CCSER2: variants seen among roughly 807,000 people sequenced by gnomAD.
The protein encoded by CCSER2 is serine-rich coiled-coil domain-containing protein 2.
CCSER2 carries 46 observed loss-of-function variants against 92.3 expected under a neutral mutation model. That is an observed-to-expected ratio of 0.50 (90% CI 0.39 to 0.64). The LOEUF is 0.64. Among genes scored for constraint, CCSER2 ranks in the 30% least tolerant of loss-of-function variants. The pLI, the probability that CCSER2 is intolerant of heterozygous loss-of-function variation, is 0.00. For synonymous variants in CCSER2, 433 were observed against 431.4 expected (o/e 1.00, Z -0.04); for missense variants, 1,244 against 1,238.9 (o/e 1.00, Z -0.06).
chr10:84,454,954 G>A (rs567175744), intron 6 of CCSER2: 1 of 152,202 alleles, frequency 6.6e-6, no homozygotes, highest in Non-Finnish European at 1.5e-5. Context: ...TTGAATCATG[G>A]GGGAAAGGGT....
At chr10:84,463,832 G>T (rs1036370474) in intron 6 of CCSER2, 101 bp from the exon 7 acceptor site, 76 of 718,336 alleles carry the variant, frequency 1.1e-4, no homozygotes, top group Non-Finnish European at 1.7e-4. Context: ...CTAGCATTTG[G>T]TCTTCACCAT....
intron 1 of CCSER2, among the ~76,000 whole-genome samples, chr10:84,332,474 C>G (rs1396854240): frequency 1.2e-5 from 1 of 84,528 alleles, no homozygotes; most frequent in African/African-American, 4.7e-5. Flanking sequence ...GAGTCTTGCT[C>G]TGTTGCCAGG....
chr10:84,398,267 C>A (rs1841945952), intron 3 of CCSER2, among the ~76,000 whole-genome samples: 1 of 152,160 alleles, frequency 6.6e-6, no homozygotes, highest in South Asian at 2.1e-4. Flanking sequence ...TGTCTTCTGC[C>A]TCCCTCTTCC....
intron 6 of CCSER2, among the ~76,000 whole-genome samples, chr10:84,446,589 GA>G (rs960908446): frequency 4.0e-5 from 6 of 150,720 alleles, no homozygotes; most frequent in African/African-American, 1.5e-4. Flanking sequence ...ATCACTCCAG[GA>G]AAAAAAGGAG....
At chr10:84,439,188 T>C (rs796704029) in intron 6 of CCSER2, among the ~76,000 whole-genome samples, 4 of 103,108 alleles carry the variant, frequency 3.9e-5, no homozygotes, top group East Asian at 3.2e-4. Context: ...CCTGTTTTTT[T>C]TTTTCTTTTC....
At chr10:84,395,223 T>TAA (rs34500936) in intron 3 of CCSER2, among the ~76,000 whole-genome samples, 6 of 129,374 alleles carry the variant, frequency 4.6e-5, no homozygotes, top group East Asian at 2.2e-4. Flanking sequence ...GACCCTGTCT[T>TAA]AAAAAAAAAA....
intron 9 of CCSER2, among the ~76,000 whole-genome samples, chr10:84,495,557 G>A (rs1297454212): frequency 6.6e-6 from 1 of 152,038 alleles, no homozygotes; most frequent in Non-Finnish European, 1.5e-5. Flanking sequence ...GGGGTGTTGA[G>A]CTCTCCAACT....
intron 3 of CCSER2, among the ~76,000 whole-genome samples, chr10:84,398,580 T>G (rs1841961364): frequency 6.6e-6 from 1 of 152,160 alleles, no homozygotes; most frequent in South Asian, 2.1e-4. Flanking sequence ...TTCTTCCTCT[T>G]TATTTCTCAG....
intron 1 of CCSER2, among the ~76,000 whole-genome samples, chr10:84,341,343 CTTTTTTTTTTT>C (rs35558044): frequency 4.2e-5 from 4 of 94,304 alleles, no homozygotes; most frequent in African/African-American, 2.1e-4. Flanking sequence ...CTTTGTAACT[CTTTTTTTTTTT>C]TTTTTTTTTT....
chr10:84,434,421 G>C (rs532705881), intron 5 of CCSER2, among the ~76,000 whole-genome samples: 2 of 152,060 alleles, frequency 1.3e-5, no homozygotes, highest in South Asian at 4.1e-4. Flanking sequence ...CTGTCTCTTA[G>C]ATTTCTCTGT....
chr10:84,367,214 A>AT (rs924051142), intron 1 of CCSER2, among the ~76,000 whole-genome samples: 8 of 151,090 alleles, frequency 5.3e-5, no homozygotes, highest in Admixed American at 1.3e-4. Flanking sequence ...CCCTCCATAG[A>AT]TTTTTTTTCA....
At chr10:84,431,883 A>G (rs958540659) in intron 5 of CCSER2, among the ~76,000 whole-genome samples, 4 of 152,242 alleles carry the variant, frequency 2.6e-5, no homozygotes, top group African/African-American at 9.6e-5. Flanking sequence ...AGATTTTTGC[A>G]CGGGCGTACA....
intron 9 of CCSER2, among the ~76,000 whole-genome samples, chr10:84,483,066 T>C (rs1027234518): frequency 1.3e-5 from 2 of 152,046 alleles, no homozygotes; most frequent in Non-Finnish European, 2.9e-5. Flanking sequence ...ATATGTAATT[T>C]ATATAAGTTC....
In CCSER2 at chr10:84,514,334, GC is replaced by G; in HGVS notation, c.*68del. On this transcript the variant is annotated 3_prime_UTR_variant, in exon 10 of 10. Transcript: ENST00000372088. ...CTCTTCTGTAATAGCTTTATGTGCA[GC>G]TTGCAGCTTGCTACTGTGGTGGAGG... 1 of 1,086,820 alleles carries G rather than the reference GC, an allele frequency of 9.2e-7. No homozygotes were observed. Among genetic ancestry groups the G allele is most frequent in the Non-Finnish European group, 1.3e-6 (1 of 771,000 alleles). 67.3% of individuals were successfully genotyped at this position (1,086,820 alleles called of 1,614,324 possible). A position where few individuals can be genotyped will look rare whatever the true frequency, so the allele number is the denominator to read the frequency against.
intron 9 of CCSER2, among the ~76,000 whole-genome samples, chr10:84,506,985 T>G (rs1374351134): frequency 6.6e-6 from 1 of 152,208 alleles, no homozygotes; most frequent in African/African-American, 2.4e-5. Flanking sequence ...ATATTTTGTT[T>G]GGTAAGAGTC....
rs1564623341 is a variant in CCSER2 at position 84,391,449 on chromosome 10, G to A, written c.1614+17634G>A. Reference sequence around the variant, plus strand: ...CGACAGAGTTATTTTGCCCTGTTAGGTGACCTCACAAAAGCTTGCTTTCAG... The same window carrying A: ...CGACAGAGTTATTTTGCCCTGTTAGATGACCTCACAAAAGCTTGCTTTCAG... On this transcript the variant is annotated intron_variant, in intron 3 of 9. Coordinates refer to ENST00000372088, the MANE Select transcript of CCSER2 (RefSeq NM_001284240.2). 5.8e-6 allele frequency: 9 copies of A among 1,562,966 alleles called. No homozygotes were observed. In the East Asian group the frequency reaches 1.8e-4, roughly 31 times the overall value.
At chr10:84,346,760 T>TTA (rs767734162) in intron 1 of CCSER2, among the ~76,000 whole-genome samples, 5,838 of 97,938 alleles carry the variant, frequency 0.06, 111 homozygotes, top group Non-Finnish European at 0.07. Context: ...TTCTTTTTTT[T>TTA]TATATATATA....
In CCSER2 at chr10:84,483,953, T is replaced by TTTTA. The variant is rs1426923651; in HGVS notation, c.2325+6290_2325+6291insTTAT. ...GTGCATCCCACCACACCCGGCTAAT[T>TTTTA]TATATATATATATATATATATATAT... On this transcript the variant is annotated intron_variant, in intron 9 of 9. Transcript: ENST00000372088. Among the ~76,000 whole-genome samples the TTTTA allele has an allele frequency of 4.0e-4, 19 of 48,056 alleles. No individual in the cohort carries two copies. The South Asian group carries it at 7.5e-3, about 19-fold the overall frequency. 31.5% of individuals were successfully genotyped at this position (48,056 alleles called of 152,430 possible).
intron 5 of CCSER2, among the ~76,000 whole-genome samples, chr10:84,434,382 T>C (rs73321697): frequency 0.023 from 3,440 of 152,300 alleles, 127 homozygotes; most frequent in African/African-American, 0.074. Context: ...CTGTTATATA[T>C]TTGCTTTCTG....
Sources: gnomAD v4.1 joint callset for allele counts (sites outside exome capture counted in the v4.1 genomes callset) on GRCh38, gnomAD v4.1.1 for gene constraint, MANE v1.5 for transcripts, NCBI Gene and HGNC (gene_info 2026-07-23, HGNC 2026-07-21) for gene names.